The following ALG13 variants were observed in gnomAD, a reference collection of about 807,000 sequenced individuals.
The protein encoded by ALG13 is ALG13 UDP-N-acetylglucosaminyltransferase subunit.
A neutral mutation model predicts 87.8 loss-of-function variants in ALG13; 11 were observed. The observed-to-expected ratio is 0.13, with a 90% CI of 0.08 to 0.21. ALG13 has a LOEUF of 0.21. Among genes scored for constraint, ALG13 ranks in the 10% least tolerant of loss-of-function variants. The pLI, the probability that ALG13 is intolerant of heterozygous loss-of-function variation, is 1.00. For missense variants in ALG13, 756 were observed against 866.1 expected, an observed-to-expected ratio of 0.87 and a Z score of 1.60; for synonymous variants, 320 against 306.3, an observed-to-expected ratio of 1.04 and a Z score of -0.47.
chrX:111,759,658 T>A, intron 26 of ALG13, 76 bp from the exon 27 acceptor site: 1 of 853,778 alleles, frequency 1.2e-6, no homozygotes, highest in Non-Finnish European at 1.6e-6. Flanking sequence ...CATAAGAACA[T>A]CCATTTATGT....
intron 26 of ALG13, among the ~76,000 whole-genome samples, chrX:111,758,514 AATAAG>A (rs1386124666): frequency 8.9e-6 from 1 of 112,480 alleles, no homozygotes; most frequent in African/African-American, 3.2e-5. Flanking sequence ...AAACTCCTGT[AATAAG>A]ATAAGTAGAG....
intron 21 of ALG13, 145 bp from the exon 22 acceptor site, chrX:111,734,906 T>A (rs1943088145): frequency 4.6e-6 from 2 of 432,085 alleles, no homozygotes; most frequent in Non-Finnish European, 4.0e-6. Flanking sequence ...TTTAGAGTGA[T>A]AACTTTTAGA....
Position 111,726,860 on chromosome X carries a change from G to A in ALG13, c.1781G>A (p.Arg594Gln), listed in dbSNP as rs374660036. Residue 594 changes from arginine (R) to glutamine (Q), a missense_variant, in exon 16 of 27, where the codon CGA (arginine) becomes CAA (glutamine). Arg to Gln is a conservative substitution (Grantham distance 43). Coordinates refer to ENST00000394780, the MANE Select transcript of ALG13 (RefSeq NM_001099922.3). ...KQQKKMFKKI[R>Q]GKEVYMTMAY... ...CAGAAGAAGATGTTCAAGAAAATTC[G>A]AGGGAAAGAAGTTTACATGACTATG... 9.9e-6 allele frequency: 12 copies of A among 1,208,790 alleles called. No homozygotes were observed. Among genetic ancestry groups the A allele is most frequent in the East Asian group, 3.0e-5 (1 of 33,721 alleles).
chrX:111,728,401 C>A, intron 19 of ALG13, 96 bp downstream of exon 19: 1 of 960,171 alleles, frequency 1.0e-6, no homozygotes, highest in South Asian at 2.4e-5. Context: ...GCGTCTCTCT[C>A]TGTTCCAGTA....
At chrX:111,688,245 TCTC>T (rs1439771758) in intron 3 of ALG13, 2 of 767,842 alleles carry the variant, frequency 2.6e-6, no homozygotes, top group Non-Finnish European at 3.1e-6. Context: ...TCACAGGTTT[TCTC>T]CTAGAATCTC....
In ALG13 at chrX:111,728,209, G is replaced by T. The variant is rs1157517282; in HGVS notation, c.2272G>T (p.Val758Phe). ...LPNHGGPSTM[V>F]PATSGYCVGR... ...GAATCATGGAGGTCCCTCTACAATGGTTCCTGCTACTTCAGGATACTGTGT... is the reference window on the plus strand; with the variant it reads ...GAATCATGGAGGTCCCTCTACAATGTTTCCTGCTACTTCAGGATACTGTGT... The change falls in exon 19 of 27, where the codon GTT becomes TTT. Residue 758 changes from valine to phenylalanine, a missense_variant. Physicochemically the swap from Val to Phe is conservative, Grantham distance 50. Transcript: ENST00000394780. 1.7e-6 allele frequency: 2 copies of T among 1,211,067 alleles called. No homozygotes were observed. Among genetic ancestry groups the T allele is most frequent in the South Asian group, 1.8e-5 (1 of 56,942 alleles).
intron 24 of ALG13, among the ~76,000 whole-genome samples, chrX:111,746,464 A>T (rs1285231815): frequency 8.9e-6 from 1 of 111,849 alleles, no homozygotes; most frequent in East Asian, 2.8e-4. Context: ...AACTTGGCAT[A>T]ATTTTGAGAT....
At chrX:111,726,192 G>A (rs982325837) in intron 15 of ALG13, among the ~76,000 whole-genome samples, 137 of 105,819 alleles carry the variant, frequency 1.3e-3, no homozygotes, top group Non-Finnish European at 2.0e-3. Context: ...TGATCTGCCC[G>A]CCTCGGCCTC....
intron 13 of ALG13, 27 bp downstream of exon 13, chrX:111,722,884 A>C (rs1340125726): frequency 9.1e-7 from 1 of 1,099,650 alleles, no homozygotes; most frequent in African/African-American, 1.8e-5. Flanking sequence ...AGAATCAGTA[A>C]TTTTTTTAAG....
At position 111,728,230 on chromosome X, in the gene ALG13, T is replaced by C. The variant is rs927961674; in HGVS notation, c.2293T>C (p.Cys765Arg). ...AATGGTTCCTGCTACTTCAGGATAC[T>C]GTGTTGGAAGGCGGGGACATAGCTC... is the stretch of plus-strand genomic sequence containing the variant. ...STMVPATSGY[C>R]VGRRGHSSGK... Residue 765 changes from cysteine to arginine, a missense_variant, in exon 19 of 27, where the codon TGT becomes CGT. Physicochemically the swap from Cys to Arg is radical, Grantham distance 180. Transcript: ENST00000394780. The C allele has an allele frequency of 3.3e-6, 4 of 1,211,540 alleles. No homozygotes were observed. The highest frequency in any genetic ancestry group is 2.3e-4 in the Middle Eastern group (1 of 4,334).
intron 25 of ALG13, among the ~76,000 whole-genome samples, chrX:111,756,475 G>C (rs753564734): frequency 8.9e-6 from 1 of 111,761 alleles, no homozygotes; most frequent in South Asian, 3.8e-4. Context: ...GCTCAACACT[G>C]TTTTTTCACC....
intron 23 of ALG13, 58 bp from the exon 24 acceptor site, chrX:111,744,610 A>G (rs201874344): frequency 4.0e-5 from 44 of 1,100,245 alleles, no homozygotes; most frequent in Non-Finnish European, 5.0e-5. Flanking sequence ...AGATGAGCCT[A>G]CTGTTCATAA....
At chrX:111,727,982 G>A (rs1028035084) in intron 18 of ALG13, among the ~76,000 whole-genome samples, 1 of 112,194 alleles carries the variant, frequency 8.9e-6, no homozygotes, top group Non-Finnish European at 1.9e-5. Flanking sequence ...TAGAGTATGG[G>A]TTAATATTTT....
chrX:111,715,665 C>T (rs2078156502), intron 8 of ALG13, among the ~76,000 whole-genome samples: 1 of 112,438 alleles, frequency 8.9e-6, no homozygotes, highest in African/African-American at 3.2e-5. Context: ...TTGCAGTGAG[C>T]CAAGATTGCG....
At chrX:111,749,162 A>G (rs1296043909) in intron 24 of ALG13, among the ~76,000 whole-genome samples, 7 of 111,600 alleles carry the variant, frequency 6.3e-5, no homozygotes, top group East Asian at 5.6e-4. Flanking sequence ...ATTGTTTCCT[A>G]TGTTTTCCTT....
intron 3 of ALG13, among the ~76,000 whole-genome samples, chrX:111,690,629 A>G (rs1470753254): frequency 9.7e-6 from 1 of 102,721 alleles, no homozygotes; most frequent in Non-Finnish European, 2.0e-5. Flanking sequence ...TTTTTTTTGT[A>G]TTTTAGTAGG....
chrX:111,754,226 C>CT (rs1470548545), intron 25 of ALG13, among the ~76,000 whole-genome samples: 2 of 111,655 alleles, frequency 1.8e-5, no homozygotes, highest in Non-Finnish European at 3.8e-5. Flanking sequence ...TTCAGCACCC[C>CT]TTCATGCTAA....
At chrX:111,695,313 C>T (rs927487145) in intron 3 of ALG13, among the ~76,000 whole-genome samples, 2 of 110,919 alleles carry the variant, frequency 1.8e-5, no homozygotes, top group African/African-American at 3.3e-5. Flanking sequence ...CAGCTGAGGT[C>T]GGGAGCTTGA....
chrX:111,706,077 C>T (rs1438608869), intron 3 of ALG13, among the ~76,000 whole-genome samples: 5 of 107,805 alleles, frequency 4.6e-5, no homozygotes, highest in South Asian at 7.9e-4. Context: ...TTTTTTGAGA[C>T]GGAGTCTCGC....
Sources: gnomAD v4.1 joint callset for allele counts (sites outside exome capture counted in the v4.1 genomes callset) on GRCh38, gnomAD v4.1.1 for gene constraint, MANE v1.5 for transcripts, NCBI Gene and HGNC (gene_info 2026-07-23, HGNC 2026-07-21) for gene names.